R3HDM1: variants seen among roughly 807,000 people sequenced by gnomAD.
The protein encoded by R3HDM1 is R3H domain-containing protein 1.
A neutral mutation model predicts 141.1 loss-of-function variants in R3HDM1; 46 were observed. The ratio of observed to expected loss-of-function variants is 0.33; its 90% confidence interval spans 0.26 to 0.42. The LOEUF (loss-of-function observed/expected upper bound fraction) is 0.42. Ranked by LOEUF, R3HDM1 falls within the 10% of genes least tolerant of loss-of-function variation. The pLI is 1.00. For missense variants in R3HDM1, 1,184 were observed against 1,368.3 expected, an observed-to-expected ratio of 0.87 and a Z score of 2.12; for synonymous variants, 435 against 472.9, an observed-to-expected ratio of 0.92 and a Z score of 1.04.
At chr2:135,639,212 T>C (rs2105240669) in intron 14 of R3HDM1, 90 bp downstream of exon 14, 1 of 1,259,798 alleles carries the variant, frequency 7.9e-7, no homozygotes, top group Middle Eastern at 1.9e-4. Context: ...CTTCTAATTA[T>C]CCTAAAATAT....
chr2:135,722,126 C>A, intron 25 of R3HDM1, 120 bp downstream of exon 25: 1 of 951,876 alleles, frequency 1.1e-6, no homozygotes, highest in Non-Finnish European at 1.6e-6. Flanking sequence ...GTGCCTCAGC[C>A]AGTTGGTTTA....
At chr2:135,583,638 T>C in intron 1 of R3HDM1, 1 of 723,180 alleles carries the variant, frequency 1.4e-6, no homozygotes, top group Non-Finnish European at 1.7e-6. Context: ...TAAATTTCTT[T>C]TAAAAATTGT....
intron 14 of R3HDM1, among the ~76,000 whole-genome samples, chr2:135,639,711 C>G (rs1395721766): frequency 6.6e-6 from 1 of 152,174 alleles, no homozygotes; most frequent in East Asian, 1.9e-4. Context: ...TTCATTTCCT[C>G]TAACTGGCTT....
chr2:135,581,160 A>G (rs1706716680), intron 1 of R3HDM1: 2 of 983,314 alleles, frequency 2.0e-6, no homozygotes, highest in Non-Finnish European at 1.2e-6. Flanking sequence ...TCTTGGGGAA[A>G]TCTAAGCAGG....
intron 1 of R3HDM1, among the ~76,000 whole-genome samples, chr2:135,552,443 G>A (rs1479010683): frequency 2.0e-5 from 3 of 151,790 alleles, no homozygotes; most frequent in South Asian, 2.1e-4. Flanking sequence ...TGATCCACCC[G>A]CCTCAGCCTC....
chr2:135,596,693 T>C (rs575054688), intron 1 of R3HDM1, among the ~76,000 whole-genome samples: 2 of 152,362 alleles, frequency 1.3e-5, no homozygotes, highest in East Asian at 1.9e-4. Flanking sequence ...TTTGGACTTA[T>C]ATTTGTACCT....
At chr2:135,668,155 T>C (rs1312358293) in intron 19 of R3HDM1, among the ~76,000 whole-genome samples, 1 of 152,202 alleles carries the variant, frequency 6.6e-6, no homozygotes, top group Non-Finnish European at 1.5e-5. Flanking sequence ...TTTTTGTTTT[T>C]AGTGCTTTCC....
intron 15 of R3HDM1, among the ~76,000 whole-genome samples, chr2:135,643,335 T>A (rs991610983): frequency 6.6e-6 from 1 of 152,048 alleles, no homozygotes; most frequent in African/African-American, 2.4e-5. Context: ...AATTTTACTT[T>A]AGAGTACTTT....
At chr2:135,586,964 A>G (rs758318087) in intron 1 of R3HDM1, 1 of 985,268 alleles carries the variant, frequency 1.0e-6, no homozygotes, top group Non-Finnish European at 1.2e-6. Flanking sequence ...TTAAGAAGCT[A>G]AGAATCTTAA....
At chr2:135,577,878 G>A (rs1292277012) in intron 1 of R3HDM1, among the ~76,000 whole-genome samples, 1 of 148,492 alleles carries the variant, frequency 6.7e-6, no homozygotes, top group Admixed American at 6.7e-5. Flanking sequence ...GCACTTAGAC[G>A]CCATTTCTCA....
At position 135,635,894 on chromosome 2, in the gene R3HDM1, G is replaced by A. The variant is rs565430350; in HGVS notation, c.703G>A (p.Asp235Asn). The A allele has an allele frequency of 3.8e-6, 6 of 1,589,652 alleles. No homozygotes were observed. In the Admixed American group the frequency reaches 9.3e-5, roughly 25 times the overall value. Residue 235 changes from aspartate to asparagine, a missense_variant, in exon 10 of 27, where the codon GAT becomes AAT. Transcript: ENST00000683871. ...TTTTTGTTTTTGTTTTTTAAGACCTGATCAGAAATTTAATGAACATATTAA... is the reference window on the plus strand; with the variant it reads ...TTTTTGTTTTTGTTTTTTAAGACCTAATCAGAAATTTAATGAACATATTAA... The part of the protein sequence containing the change: ...VNKTSNTRIP[D>N]QKFNEHIKDD...
intron 19 of R3HDM1, among the ~76,000 whole-genome samples, chr2:135,664,541 G>A (rs1010525210): frequency 1.3e-5 from 2 of 152,136 alleles, no homozygotes; most frequent in Admixed American, 1.3e-4. Context: ...ACCAGATAGG[G>A]TATGGGCAGT....
intron 1 of R3HDM1, among the ~76,000 whole-genome samples, chr2:135,567,748 A>AT (rs902528355): frequency 4.7e-5 from 7 of 149,692 alleles, no homozygotes; most frequent in Admixed American, 2.0e-4. Flanking sequence ...TTTATTTTTG[A>AT]TTTTTTTTAG....
chr2:135,590,697 T>C (rs566654193), intron 1 of R3HDM1: 5 of 985,384 alleles, frequency 5.1e-6, no homozygotes, highest in South Asian at 4.7e-5. Flanking sequence ...ATTGTGAGCT[T>C]TTTAGCAGTG....
At chr2:135,635,012 C>G (rs2063117582) in intron 9 of R3HDM1, among the ~76,000 whole-genome samples, 1 of 152,122 alleles carries the variant, frequency 6.6e-6, no homozygotes. Context: ...GTGGAACTTG[C>G]AACATTTCTG....
chr2:135,544,534 C>CA (rs542055071), intron 1 of R3HDM1, among the ~76,000 whole-genome samples: 11 of 151,860 alleles, frequency 7.2e-5, no homozygotes, highest in African/African-American at 2.7e-4. Context: ...GAAGGGCTAA[C>CA]AAAAAAAGGT....
At chr2:135,711,597 C>T (rs1405152605) in intron 23 of R3HDM1, among the ~76,000 whole-genome samples, 1 of 149,486 alleles carries the variant, frequency 6.7e-6, no homozygotes, top group East Asian at 2.0e-4. Context: ...GAGTTCAAGG[C>T]TGCAGTGAGC....
intron 3 of R3HDM1, among the ~76,000 whole-genome samples, chr2:135,609,141 G>A (rs1489030001): frequency 6.6e-6 from 1 of 152,120 alleles, no homozygotes; most frequent in Non-Finnish European, 1.5e-5. Context: ...GACATTACAT[G>A]TCATCTCAGG....
At chr2:135,578,402 G>A (rs1487594350) in intron 1 of R3HDM1, among the ~76,000 whole-genome samples, 1 of 152,190 alleles carries the variant, frequency 6.6e-6, no homozygotes, top group Non-Finnish European at 1.5e-5. Flanking sequence ...TAGAAAGATT[G>A]GGAGTAATGG....
Sources: allele counts gnomAD v4.1 joint callset (sites outside exome capture counted in the v4.1 genomes callset), GRCh38; gene constraint gnomAD v4.1.1; transcripts MANE v1.5; gene names NCBI Gene and HGNC (gene_info 2026-07-23, HGNC 2026-07-21).